RBM20: variants seen among roughly 807,000 people sequenced by gnomAD.
The protein encoded by RBM20 is RNA binding motif protein 20.
Under a neutral mutation model 110.1 loss-of-function variants are expected in RBM20, and 51 were observed. The ratio of observed to expected loss-of-function variants is 0.46; its 90% confidence interval spans 0.37 to 0.59. The LOEUF is 0.59. RBM20 is among the 20% of genes least tolerant of loss of function. RBM20 has a pLI of 0.00. For missense variants in RBM20, 1,512 were observed against 1,574.9 expected (o/e 0.96, Z 0.68); for synonymous variants, 589 against 618.2 (o/e 0.95, Z 0.70).
At chr10:110,737,748 G>C (rs574552298) in intron 1 of RBM20, among the ~76,000 whole-genome samples, 2 of 152,240 alleles carry the variant, frequency 1.3e-5, no homozygotes, top group Admixed American at 1.3e-4. Context: ...TACCTGGTTA[G>C]TGTTCGCGGC....
At chr10:110,753,387 C>T (rs1843883745) in intron 1 of RBM20, among the ~76,000 whole-genome samples, 1 of 152,132 alleles carries the variant, frequency 6.6e-6, no homozygotes, top group Non-Finnish European at 1.5e-5. Context: ...TTTTAAAGAA[C>T]ACCAACAAAA....
intron 1 of RBM20, among the ~76,000 whole-genome samples, chr10:110,774,245 A>C (rs971086877): frequency 2.6e-5 from 4 of 152,224 alleles, no homozygotes; most frequent in African/African-American, 9.6e-5. Context: ...CCAACTGAAA[A>C]ACACAAAACA....
intron 1 of RBM20, among the ~76,000 whole-genome samples, chr10:110,749,862 A>G (rs761311517): frequency 1.3e-5 from 2 of 152,214 alleles, no homozygotes; most frequent in African/African-American, 2.4e-5. Flanking sequence ...CTAAACCAGC[A>G]TGTGAAAATC....
chr10:110,733,771 A>T (rs1211693205), intron 1 of RBM20, among the ~76,000 whole-genome samples: 3 of 152,210 alleles, frequency 2.0e-5, no homozygotes, highest in Non-Finnish European at 4.4e-5. Flanking sequence ...CTGCTCGCTC[A>T]GCTACTTTCA....
rs373237572 is a variant in RBM20, at chr10:110,740,669, G to A, written c.192-40132G>A. 1.3e-4 allele frequency among the ~76,000 whole-genome samples: 20 copies of A among 152,292 alleles called. No individual in the cohort carries two copies. The South Asian group carries it at 3.1e-3, about 24-fold the overall frequency. On this transcript the variant is annotated intron_variant, in intron 1 of 13. Transcript: ENST00000369519. ...ACCTTGATGTTCACTGGAGTGGCCCGAGGACTCCTTTTTGAGTTAAAGTGA... is the reference window on the plus strand; with the variant it reads ...ACCTTGATGTTCACTGGAGTGGCCCAAGGACTCCTTTTTGAGTTAAAGTGA...
At chr10:110,732,188 TC>T (rs1447399568) in intron 1 of RBM20, among the ~76,000 whole-genome samples, 2 of 152,202 alleles carry the variant, frequency 1.3e-5, no homozygotes, top group African/African-American at 4.8e-5. Context: ...GTTGCAGTTC[TC>T]GTTGGTTTAT....
chr10:110,736,112 A>G (rs949137897), intron 1 of RBM20, among the ~76,000 whole-genome samples: 1 of 152,240 alleles, frequency 6.6e-6, no homozygotes, highest in Admixed American at 6.5e-5. Context: ...ATTTTTTGGC[A>G]GCAAATCTCA....
At chr10:110,646,134 A>C (rs576357022) in intron 1 of RBM20, among the ~76,000 whole-genome samples, 33 of 152,190 alleles carry the variant, frequency 2.2e-4, no homozygotes, top group Non-Finnish European at 2.9e-4. Flanking sequence ...GCGGCTTGAA[A>C]TCAGGCTGCA....
At chr10:110,659,514 G>A (rs142671095) in intron 1 of RBM20, among the ~76,000 whole-genome samples, 32 of 152,252 alleles carry the variant, frequency 2.1e-4, no homozygotes, top group African/African-American at 7.7e-4. Context: ...TCCAGCCAGA[G>A]GCCAGATTGT....
chr10:110,821,467 AC>A lies in RBM20; in HGVS notation c.2849del (p.Thr950LysfsTer4). 1.3e-6 allele frequency: 2 copies of A among 1,551,872 alleles called. No homozygotes were observed. On this transcript the variant is annotated frameshift_variant, in exon 11 of 14. Coordinates refer to ENST00000369519, the MANE Select transcript of RBM20 (RefSeq NM_001134363.3). LOFTEE classifies it high-confidence loss of function. ...TTGCCCAGAAACATGTCTGTGTGTG[AC>A]AACCACCTTAGACTTAGACCTGGCC... ...KICPETCLCV[T>X]TTLDLDLAQD...
chr10:110,744,130 CCTT>C (rs1309927764), intron 1 of RBM20, among the ~76,000 whole-genome samples: 1 of 152,156 alleles, frequency 6.6e-6, no homozygotes, highest in African/African-American at 2.4e-5. Context: ...TGGGCAAACT[CCTT>C]CACCTCTCAG....
In RBM20 at chr10:110,821,737, G is replaced by C; in HGVS notation, c.3118G>C (p.Ala1040Pro). The change falls in exon 11 of 14, where the codon GCC becomes CCC. Residue 1040 changes from alanine to proline, a missense_variant. Coordinates refer to ENST00000369519, the MANE Select transcript of RBM20 (RefSeq NM_001134363.3). The stretch of plus-strand genomic sequence containing the variant: ...AGTGGAGAGCTCAGATGTTCATCCA[G>C]CCCCTACAGTCCAGCAAATGTCTTC... Reference protein sequence around the residue: ...KGVESSDVHPAPTVQQMSSPK... With the variant: ...KGVESSDVHPPPTVQQMSSPK... The C allele has an allele frequency of 6.4e-7, 1 of 1,551,792 alleles. No homozygotes were observed. The highest frequency in any genetic ancestry group is 2.0e-5 in the Admixed American group (1 of 51,010).
intron 1 of RBM20, among the ~76,000 whole-genome samples, chr10:110,701,124 A>C (rs994205897): frequency 1.3e-5 from 2 of 152,216 alleles, no homozygotes; most frequent in African/African-American, 4.8e-5. Flanking sequence ...TTTAAATGTG[A>C]AAACTGATGC....
chr10:110,668,859 C>A (rs1287300852), intron 1 of RBM20, among the ~76,000 whole-genome samples: 1 of 150,964 alleles, frequency 6.6e-6, no homozygotes, highest in Non-Finnish European at 1.5e-5. Context: ...AGGACAGTTC[C>A]CTGTGGTTAC....
chr10:110,811,956 G>A (rs1056695481), intron 8 of RBM20, among the ~76,000 whole-genome samples: 15 of 152,136 alleles, frequency 9.9e-5, no homozygotes, highest in South Asian at 2.1e-4. Flanking sequence ...TCCGCTCCCT[G>A]AGCATAGCTC....
chr10:110,672,554 G>T (rs910081077), intron 1 of RBM20, among the ~76,000 whole-genome samples: 1 of 152,224 alleles, frequency 6.6e-6, no homozygotes, highest in Non-Finnish European at 1.5e-5. Context: ...CGGTCTTCCC[G>T]GGTGTTCGCG....
At chr10:110,832,637 G>T (rs7908955) in intron 13 of RBM20, among the ~76,000 whole-genome samples, 1 of 152,138 alleles carries the variant, frequency 6.6e-6, no homozygotes, top group Non-Finnish European at 1.5e-5. Flanking sequence ...CCACACAGAT[G>T]GTGAGTTATT....
At chr10:110,774,469 C>T (rs564015756) in intron 1 of RBM20, among the ~76,000 whole-genome samples, 3 of 152,014 alleles carry the variant, frequency 2.0e-5, no homozygotes, top group Non-Finnish European at 4.4e-5. Context: ...AGGTGTGTGG[C>T]CTCATCTTCT....
Position 110,739,217 on chromosome 10 carries a change from G to T in RBM20, c.192-41584G>T, listed in dbSNP as rs1358890294. Among the ~76,000 whole-genome samples, 1 of 152,190 alleles carries T rather than the reference G, an allele frequency of 6.6e-6. No homozygotes were observed. Reference sequence around the variant, plus strand: ...TATGTAACTACTTTAGTACAGTTGAGGGCTCTTGAAGTCATGCTGTGTTTT... The same window carrying T: ...TATGTAACTACTTTAGTACAGTTGATGGCTCTTGAAGTCATGCTGTGTTTT... On this transcript the variant is annotated intron_variant, in intron 1 of 13. Coordinates refer to ENST00000369519, the MANE Select transcript of RBM20 (RefSeq NM_001134363.3). This position sits in a 1 kb window ranked among gnomAD's most constrained non-coding sequence, Gnocchi z 4.1.
Sources: allele counts gnomAD v4.1 joint callset (sites outside exome capture counted in the v4.1 genomes callset), GRCh38; gene constraint gnomAD v4.1.1; non-coding constraint Gnocchi (gnomAD v3.1); transcripts MANE v1.5; gene names NCBI Gene and HGNC (gene_info 2026-07-23, HGNC 2026-07-21).